The following PAX5 variants were observed in gnomAD, a reference collection of about 807,000 sequenced individuals.
PAX5 encodes the protein paired box protein Pax-5.
Under a neutral mutation model 43.7 loss-of-function variants are expected in PAX5, and 9 were observed. That is an observed-to-expected ratio of 0.21 (90% CI 0.12 to 0.36). The LOEUF (loss-of-function observed/expected upper bound fraction) is 0.36. Ranked by LOEUF, PAX5 falls within the 10% of genes least tolerant of loss-of-function variation. The probability of loss-of-function intolerance (pLI) is 1.00; values close to 1 mark genes in which losing one functional copy is unlikely to be tolerated. For synonymous variants in PAX5, 228 were observed against 214.3 expected (o/e 1.06, Z -0.56); for missense variants, 383 against 532.7 (o/e 0.72, Z 2.77).
At chr9:36,964,577 A>G (rs915739390) in intron 6 of PAX5, among the ~76,000 whole-genome samples, 7 of 150,056 alleles carry the variant, frequency 4.7e-5, no homozygotes, top group Non-Finnish European at 1.0e-4. Context: ...GGGCAACAAG[A>G]GCAAAACTCC....
intron 6 of PAX5, among the ~76,000 whole-genome samples, chr9:36,944,241 G>A (rs1364025277): frequency 6.6e-6 from 1 of 152,008 alleles, no homozygotes; most frequent in Non-Finnish European, 1.5e-5. Context: ...CAAACACATG[G>A]GGCACGCTCA....
chr9:37,034,102 T>A lies in PAX5; in HGVS notation c.-71A>T. 6 of 396,630 alleles carry A rather than the reference T, an allele frequency of 1.5e-5. No individual in the cohort carries two copies. The highest frequency in any genetic ancestry group is 2.5e-5 in the Non-Finnish European group (6 of 241,436). The allele number at this position is 396,630 out of a possible 1,614,324, so 24.6% of individuals were successfully genotyped here. ...CTTTTTTGTGCCTTTTTTTTTCTTTTTTTTTTTTTTTTTTTTTTTTTTTTG... is the reference window on the plus strand; with the variant it reads ...CTTTTTTGTGCCTTTTTTTTTCTTTATTTTTTTTTTTTTTTTTTTTTTTTG... On this transcript the variant is annotated 5_prime_UTR_variant, in exon 1 of 10. Transcript: ENST00000358127.
At position 36,882,454 on chromosome 9, in the gene PAX5, C is replaced by T. The variant is rs1826529467; in HGVS notation, c.911-349G>A. ...CAGCCAGCTCTCCCTACTCTCTACTCCCCAAGAATGGCTGGGACCTCTCCA... is the reference window on the plus strand; with the variant it reads ...CAGCCAGCTCTCCCTACTCTCTACTTCCCAAGAATGGCTGGGACCTCTCCA... On this transcript the variant is annotated intron_variant, in intron 7 of 9. Transcript: ENST00000358127. The surrounding 1 kb of genome is among the most constrained non-coding windows in gnomAD (Gnocchi z 4.4). Among the ~76,000 whole-genome samples, 1 of 152,142 alleles carries T rather than the reference C, an allele frequency of 6.6e-6. No homozygotes were observed. Among genetic ancestry groups the T allele is most frequent in the South Asian group, 2.1e-4 (1 of 4,830 alleles).
At chr9:36,915,143 T>G (rs911431812) in intron 7 of PAX5, among the ~76,000 whole-genome samples, 2 of 152,360 alleles carry the variant, frequency 1.3e-5, no homozygotes, top group Admixed American at 1.3e-4. Context: ...ATTGTGCATC[T>G]ATGTGAATAT....
At chr9:36,895,092 C>T (rs530742421) in intron 7 of PAX5, among the ~76,000 whole-genome samples, 3 of 152,354 alleles carry the variant, frequency 2.0e-5, no homozygotes, top group Admixed American at 2.0e-4. Flanking sequence ...ACACTCGCTG[C>T]ACCTCCCTAC....
intron 6 of PAX5, among the ~76,000 whole-genome samples, chr9:36,961,416 G>A (rs1022261244): frequency 6.6e-6 from 1 of 152,258 alleles, no homozygotes; most frequent in Non-Finnish European, 1.5e-5. Context: ...GGCCCAATGG[G>A]AGGGAGGGCC....
At chr9:36,966,129 G>A (rs1385154626) in intron 6 of PAX5, among the ~76,000 whole-genome samples, 1 of 152,204 alleles carries the variant, frequency 6.6e-6, no homozygotes, top group Non-Finnish European at 1.5e-5. Flanking sequence ...CACCCGCTCC[G>A]TCATTCCATT....
chr9:36,908,493 C>T (rs958594452), intron 7 of PAX5, among the ~76,000 whole-genome samples: 2 of 152,164 alleles, frequency 1.3e-5, no homozygotes, highest in African/African-American at 4.8e-5. Flanking sequence ...GGCAGGAATT[C>T]TAAAACCCTC....
intron 6 of PAX5, among the ~76,000 whole-genome samples, chr9:36,926,535 C>A (rs1830652682): frequency 6.6e-6 from 1 of 152,228 alleles, no homozygotes. Flanking sequence ...TTGGTCGTGG[C>A]ATTAGCCTCC....
intron 8 of PAX5, among the ~76,000 whole-genome samples, chr9:36,870,388 T>C (rs1825387633): frequency 6.6e-6 from 1 of 152,214 alleles, no homozygotes; most frequent in South Asian, 2.1e-4. Context: ...ACTTTTGAAA[T>C]TATTTGGCCA....
intron 6 of PAX5, among the ~76,000 whole-genome samples, chr9:36,941,574 G>A (rs543044743): frequency 1.1e-4 from 16 of 152,320 alleles, no homozygotes; most frequent in African/African-American, 3.8e-4. Flanking sequence ...ACAGATTGGA[G>A]CCACCACCTG....
At chr9:36,853,901 A>G (rs1055425975) in intron 8 of PAX5, among the ~76,000 whole-genome samples, 2 of 152,250 alleles carry the variant, frequency 1.3e-5, no homozygotes, top group Admixed American at 6.5e-5. Flanking sequence ...AAACGGGCTC[A>G]GTATAGCTCT....
intron 8 of PAX5, among the ~76,000 whole-genome samples, chr9:36,847,707 G>T (rs1490966498): frequency 6.6e-6 from 1 of 152,140 alleles, no homozygotes; most frequent in Admixed American, 6.5e-5. Flanking sequence ...GGGCATGGTG[G>T]GACCCGAACA....
At chr9:36,871,717 G>A (rs1167169874) in intron 8 of PAX5, among the ~76,000 whole-genome samples, 1 of 152,134 alleles carries the variant, frequency 6.6e-6, no homozygotes, top group Non-Finnish European at 1.5e-5. Context: ...TTGGATCTGG[G>A]GCCTGCCAAC....
At chr9:36,858,895 T>C (rs921356658) in intron 8 of PAX5, among the ~76,000 whole-genome samples, 1 of 152,158 alleles carries the variant, frequency 6.6e-6, no homozygotes, top group Non-Finnish European at 1.5e-5. Context: ...CGCTGACTAA[T>C]GAGACGGAGG....
At chr9:36,889,953 G>GA (rs1203350575) in intron 7 of PAX5, among the ~76,000 whole-genome samples, 2 of 127,074 alleles carry the variant, frequency 1.6e-5, no homozygotes, top group African/African-American at 6.0e-5. Context: ...GGGGGGGGGG[G>GA]AATGTGAATC....
intron 7 of PAX5, among the ~76,000 whole-genome samples, chr9:36,897,599 C>A (rs1369560170): frequency 3.9e-5 from 6 of 152,156 alleles, no homozygotes; most frequent in Non-Finnish European, 8.8e-5. Flanking sequence ...GAAACTCCTG[C>A]AAGGGCAGGG....
chr9:37,019,177 C>A (rs1026490599), intron 2 of PAX5, among the ~76,000 whole-genome samples: 3 of 152,122 alleles, frequency 2.0e-5, no homozygotes, highest in African/African-American at 7.2e-5. Flanking sequence ...TTCTATTTCT[C>A]TGCCTTTTTA....
In PAX5 at chr9:36,916,498, T is replaced by C. The variant is rs1304536022; in HGVS notation, c.910+6857A>G. 1.3e-5 allele frequency among the ~76,000 whole-genome samples: 2 copies of C among 152,242 alleles called. 1 individual carries two copies. The highest frequency in any genetic ancestry group is 1.3e-4 in the Admixed American group (2 of 15,288). Reference sequence around the variant, plus strand: ...CTGTTGGTATTTTGATAGAAATTATTTTGAATTAATAGGTTACTTCGGAGG... The same window carrying C: ...CTGTTGGTATTTTGATAGAAATTATCTTGAATTAATAGGTTACTTCGGAGG... On this transcript the variant is annotated intron_variant, in intron 7 of 9. Coordinates refer to ENST00000358127, the MANE Select transcript of PAX5 (RefSeq NM_016734.3).
Sources: gnomAD v4.1 joint callset for allele counts (sites outside exome capture counted in the v4.1 genomes callset) on GRCh38, gnomAD v4.1.1 for gene constraint, Gnocchi (gnomAD v3.1) non-coding constraint, MANE v1.5 for transcripts, NCBI Gene and HGNC (gene_info 2026-07-23, HGNC 2026-07-21) for gene names.